Variants in XIRP2 observed in about 807,000 individuals in gnomAD.
XIRP2 encodes the protein xin actin binding repeat containing 2.
Under a neutral mutation model 277.0 loss-of-function variants are expected in XIRP2, and 236 were observed. The observed-to-expected ratio is 0.85, with a 90% CI of 0.77 to 0.95. The LOEUF is 0.95. Among genes scored for constraint, XIRP2 ranks in the 40% least tolerant of loss-of-function variants. The pLI is 0.00. For missense variants in XIRP2, 4,640 were observed against 4,157.5 expected (o/e 1.12, Z -3.19); for synonymous variants, 1,490 against 1,416.5 (o/e 1.05, Z -1.17).
intron 2 of XIRP2, among the ~76,000 whole-genome samples, chr2:167,085,774 T>G (rs1056015546): frequency 2.6e-5 from 4 of 152,124 alleles, no homozygotes; most frequent in African/African-American, 9.7e-5. Context: ...ACCCCTGCCT[T>G]TTTTGTTTTC....
chr2:167,009,347 G>A (rs1218232904), intron 2 of XIRP2, among the ~76,000 whole-genome samples: 6 of 151,568 alleles, frequency 4.0e-5, no homozygotes, highest in Non-Finnish European at 8.8e-5. Context: ...ATTTTGCTGA[G>A]AATGATGCTT....
chr2:166,915,231 G>A (rs889264788), intron 2 of XIRP2, among the ~76,000 whole-genome samples: 130 of 146,758 alleles, frequency 8.9e-4, no homozygotes, highest in African/African-American at 3.1e-3. Flanking sequence ...AATCTGGGAG[G>A]TGGAGCTTGC....
intron 2 of XIRP2, among the ~76,000 whole-genome samples, chr2:167,120,290 A>G (rs1250633524): frequency 6.6e-6 from 1 of 152,210 alleles, no homozygotes; most frequent in Non-Finnish European, 1.5e-5. Context: ...CATAGTCGCC[A>G]TGGAGGAAAG....
At chr2:167,191,972 C>T (rs1316428680) in intron 3 of XIRP2, among the ~76,000 whole-genome samples, 1 of 152,136 alleles carries the variant, frequency 6.6e-6, no homozygotes, top group African/African-American at 2.4e-5. Flanking sequence ...CCCCTAAAAT[C>T]TGAATATATC....
chr2:167,103,005 G>A (rs1690524062), intron 2 of XIRP2, among the ~76,000 whole-genome samples: 1 of 152,172 alleles, frequency 6.6e-6, no homozygotes, highest in African/African-American at 2.4e-5. Flanking sequence ...TGGGCATGGT[G>A]GCTCATGCCT....
At chr2:167,138,120 A>G (rs970245232) in intron 3 of XIRP2, among the ~76,000 whole-genome samples, 2 of 152,336 alleles carry the variant, frequency 1.3e-5, no homozygotes, top group Non-Finnish European at 2.9e-5. Flanking sequence ...CAGAATTTAT[A>G]CAATTATATG....
rs73973538 is a variant in XIRP2, at chr2:166,964,364, T to A, written c.408+60474T>A. 2.0e-3 allele frequency among the ~76,000 whole-genome samples: 307 copies of A among 151,918 alleles called. 3 individuals carry two copies. Among genetic ancestry groups the A allele is most frequent in the African/African-American group, 7.0e-3 (290 of 41,496 alleles). ...TCAGTAAAAGGTAAGAGGTTGAAAA[T>A]CTGTTTGTCATAAGATTAGGGTCAT... On this transcript the variant is annotated intron_variant, in intron 2 of 10. Coordinates refer to ENST00000409195, the MANE Select transcript of XIRP2 (RefSeq NM_152381.6).
intron 4 of XIRP2, among the ~76,000 whole-genome samples, chr2:167,212,003 G>A (rs1694060061): frequency 6.6e-6 from 1 of 152,158 alleles, no homozygotes; most frequent in Admixed American, 6.5e-5. Context: ...AAAAAAGGTG[G>A]TGTATTAAAA....
intron 2 of XIRP2, among the ~76,000 whole-genome samples, chr2:167,027,209 A>T (rs962494776): frequency 6.6e-6 from 1 of 151,870 alleles, no homozygotes; most frequent in African/African-American, 2.4e-5. Flanking sequence ...ATTTCTTTTT[A>T]TTCTTTTTTC....
chr2:167,027,503 A>G (rs569794717), intron 2 of XIRP2, among the ~76,000 whole-genome samples: 27 of 152,030 alleles, frequency 1.8e-4, no homozygotes, highest in African/African-American at 6.0e-4. Flanking sequence ...TCTTCTCTCA[A>G]CTCATCAAAG....
chr2:167,103,056 T>C (rs1403240767), intron 2 of XIRP2, among the ~76,000 whole-genome samples: 2 of 152,106 alleles, frequency 1.3e-5, no homozygotes, highest in Non-Finnish European at 1.5e-5. Flanking sequence ...GGAGGATCAC[T>C]TGAGCCTGGG....
chr2:166,965,163 G>A (rs534977106), intron 2 of XIRP2, among the ~76,000 whole-genome samples: 110 of 151,970 alleles, frequency 7.2e-4, no homozygotes, highest in African/African-American at 2.6e-3. Flanking sequence ...ATAAGGGGCA[G>A]TTCTAATATG....
At chr2:167,167,301 T>C (rs1281065852) in intron 3 of XIRP2, among the ~76,000 whole-genome samples, 1 of 152,174 alleles carries the variant, frequency 6.6e-6, no homozygotes, top group Non-Finnish European at 1.5e-5. Flanking sequence ...TCTCTGTATT[T>C]AATTGGTATA....
chr2:167,239,809 T>C (rs1222929325), intron 5 of XIRP2, 46 bp from the exon 6 acceptor site: 5 of 1,530,788 alleles, frequency 3.3e-6, no homozygotes, highest in South Asian at 2.5e-5. Flanking sequence ...AAAGTTAAAA[T>C]TTTTACTTTT....
At chr2:167,058,580 C>T (rs1689095094) in intron 2 of XIRP2, among the ~76,000 whole-genome samples, 1 of 152,194 alleles carries the variant, frequency 6.6e-6, no homozygotes, top group African/African-American at 2.4e-5. Flanking sequence ...AGTCCTTCCT[C>T]TCAGTTGGTA....
At position 167,251,367 on chromosome 2, in the gene XIRP2, C is replaced by T. The variant is rs1553505593; in HGVS notation, c.9975C>T (p.Phe3325=). The T allele has an allele frequency of 1.9e-6, 3 of 1,613,468 alleles. No individual in the cohort carries two copies. The highest frequency in any genetic ancestry group is 3.3e-5 in the Admixed American group (2 of 59,956). ...ANRTVQMAEN[F]VNDPENEINR... The stretch of plus-strand genomic sequence containing the variant: ...GAACTGTTCAAATGGCTGAAAATTT[C>T]GTGAATGACCCTGAAAATGAAATAA... The change falls in exon 9 of 11, where the codon TTC becomes TTT. Residue 3325 remains phenylalanine, a synonymous_variant. Coordinates refer to ENST00000409195, the MANE Select transcript of XIRP2 (RefSeq NM_152381.6).
At chr2:167,054,743 T>C (rs1689000495) in intron 2 of XIRP2, among the ~76,000 whole-genome samples, 1 of 152,032 alleles carries the variant, frequency 6.6e-6, no homozygotes, top group African/African-American at 2.4e-5. Context: ...TTGATTTACT[T>C]TGCCATACTA....
intron 2 of XIRP2, among the ~76,000 whole-genome samples, chr2:167,072,622 C>G (rs189078651): frequency 6.6e-6 from 1 of 152,274 alleles, no homozygotes; most frequent in Non-Finnish European, 1.5e-5. Context: ...TCAATAAATA[C>G]TTCATTTGAA....
chr2:167,017,864 A>G (rs1311801208), intron 2 of XIRP2, among the ~76,000 whole-genome samples: 2 of 151,954 alleles, frequency 1.3e-5, no homozygotes, highest in African/African-American at 4.8e-5. Context: ...CCCAGCCCAT[A>G]TTTTAGAGTC....
Sources: gnomAD v4.1 joint callset for allele counts (sites outside exome capture counted in the v4.1 genomes callset) on GRCh38, gnomAD v4.1.1 for gene constraint, MANE v1.5 for transcripts, NCBI Gene and HGNC (gene_info 2026-07-23, HGNC 2026-07-21) for gene names.